ITK: variants seen among roughly 807,000 people sequenced by gnomAD.
ITK encodes IL2 inducible T cell kinase.
ITK carries 45 observed loss-of-function variants against 87.6 expected under a neutral mutation model. The ratio of observed to expected loss-of-function variants is 0.51; its 90% CI spans 0.40 to 0.66. ITK has a LOEUF of 0.66. Among genes scored for constraint, ITK ranks in the 30% least tolerant of loss-of-function variants. The pLI, the probability that ITK is intolerant of heterozygous loss-of-function variation, is 0.00. For synonymous variants in ITK, 303 were observed against 273.6 expected (o/e 1.11, Z -1.06); for missense variants, 605 against 766.3 (o/e 0.79, Z 2.48).
intron 10 of ITK, 41 bp downstream of exon 10, chr5:157,240,236 G>C (rs761893928): frequency 1.2e-5 from 19 of 1,591,534 alleles, no homozygotes; most frequent in Non-Finnish European, 1.5e-5. Context: ...CGCCCAGCAG[G>C]AGGTGAGCAG....
intron 7 of ITK, among the ~76,000 whole-genome samples, chr5:157,229,878 A>C (rs34471719): frequency 0.016 from 2,494 of 152,260 alleles, 29 homozygotes; most frequent in Non-Finnish European, 0.027. Flanking sequence ...TGCACCATTG[A>C]ACTCCAGCCT....
At chr5:157,207,281 C>T (rs902349242) in intron 1 of ITK, among the ~76,000 whole-genome samples, 1 of 151,916 alleles carries the variant, frequency 6.6e-6, no homozygotes. Context: ...AGATCTCCCC[C>T]ACCTCGCCCA....
chr5:157,226,806 T>C (rs1038446275), intron 6 of ITK, among the ~76,000 whole-genome samples: 1 of 128,790 alleles, frequency 7.8e-6, no homozygotes, highest in African/African-American at 2.5e-5. Flanking sequence ...TGTTTTGTTT[T>C]TTTGTTTTTT....
At chr5:157,236,910 G>A (rs1234705109) in intron 8 of ITK, among the ~76,000 whole-genome samples, 1 of 152,030 alleles carries the variant, frequency 6.6e-6, no homozygotes, top group African/African-American at 2.4e-5. Context: ...TTCTCATTCT[G>A]GAAAGGGCCT....
chr5:157,228,394 G>T, intron 7 of ITK, 33 bp downstream of exon 7: 1 of 1,255,872 alleles, frequency 8.0e-7, no homozygotes, highest in African/African-American at 1.5e-5. Context: ...GGAAAATACA[G>T]TCCTAAGGAA....
rs1473344468 is a variant in ITK, at chr5:157,240,206, G to A, written c.985+11G>A. Reference sequence around the variant, plus strand: ...AACATAATGGAGGAGGTAAGCTCTAGAGCAGGGGTGGACCCGGGCCGCCCA... The same window carrying A: ...AACATAATGGAGGAGGTAAGCTCTAAAGCAGGGGTGGACCCGGGCCGCCCA... On this transcript the variant is annotated intron_variant, in intron 10 of 16. Coordinates refer to ENST00000422843, the MANE Select transcript of ITK (RefSeq NM_005546.4). 1 of 1,614,074 alleles carries A rather than the reference G, an allele frequency of 6.2e-7. No homozygotes were observed. The highest frequency in any genetic ancestry group is 8.5e-7 in the Non-Finnish European group (1 of 1,179,954).
chr5:157,246,574 A>C (rs1312710234), intron 15 of ITK, among the ~76,000 whole-genome samples: 1 of 152,206 alleles, frequency 6.6e-6, no homozygotes, highest in Non-Finnish European at 1.5e-5. Flanking sequence ...GATAGAAGAT[A>C]AAGCCAGGCA....
At chr5:157,246,424 G>T (rs1755021431) in intron 15 of ITK, among the ~76,000 whole-genome samples, 1 of 152,124 alleles carries the variant, frequency 6.6e-6, no homozygotes. Context: ...GGCTAATCTA[G>T]GTGCTGAGGA....
intron 1 of ITK, among the ~76,000 whole-genome samples, chr5:157,185,559 A>G (rs1460674298): frequency 6.6e-6 from 1 of 152,034 alleles, no homozygotes; most frequent in East Asian, 1.9e-4. Flanking sequence ...AAAATAATTA[A>G]GCAAGGCCAG....
At chr5:157,204,168 G>T (rs770996810) in intron 1 of ITK, among the ~76,000 whole-genome samples, 13 of 152,084 alleles carry the variant, frequency 8.5e-5, no homozygotes, top group Non-Finnish European at 1.8e-4. Context: ...ACACCATGAG[G>T]CTTGGCTAAT....
At chr5:157,248,570 T>A (rs1418033128) in intron 15 of ITK, among the ~76,000 whole-genome samples, 2 of 152,218 alleles carry the variant, frequency 1.3e-5, no homozygotes, top group East Asian at 1.9e-4. Context: ...TTCATTTACA[T>A]CCTGCATCTT....
At chr5:157,208,760 T>G in intron 1 of ITK, 129 bp from the exon 2 acceptor site, 2 of 713,604 alleles carry the variant, frequency 2.8e-6, no homozygotes. Flanking sequence ...GTTTTGGATA[T>G]TTGGTTTGGA....
At chr5:157,212,056 G>C (rs995038889) in intron 3 of ITK, among the ~76,000 whole-genome samples, 1 of 152,188 alleles carries the variant, frequency 6.6e-6, no homozygotes, top group Non-Finnish European at 1.5e-5. Context: ...ATGGGATGTG[G>C]AGCCAGGCAT....
intron 5 of ITK, chr5:157,222,619 C>G: frequency 1.8e-6 from 1 of 542,128 alleles, no homozygotes; most frequent in South Asian, 2.0e-5. Flanking sequence ...GAGAAACCAG[C>G]AGACTTTTGT....
intron 10 of ITK, chr5:157,241,428 T>C (rs1324431150): frequency 2.1e-6 from 1 of 476,218 alleles, no homozygotes; most frequent in Non-Finnish European, 3.8e-6. Flanking sequence ...ATTAGCAAGC[T>C]ATCTTGTGGA....
intron 5 of ITK, among the ~76,000 whole-genome samples, chr5:157,218,236 G>T (rs1371296291): frequency 6.6e-6 from 1 of 152,114 alleles, no homozygotes; most frequent in Admixed American, 6.5e-5. Context: ...CTGGCATGGT[G>T]GCTCACGTCT....
intron 1 of ITK, among the ~76,000 whole-genome samples, chr5:157,184,719 A>G (rs1156304018): frequency 1.3e-5 from 2 of 152,218 alleles, no homozygotes; most frequent in African/African-American, 4.8e-5. Context: ...GATGTTGAGT[A>G]TTTCATGAGA....
chr5:157,218,745 G>C (rs1175063610), intron 5 of ITK, among the ~76,000 whole-genome samples: 2 of 152,100 alleles, frequency 1.3e-5, no homozygotes, highest in Non-Finnish European at 2.9e-5. Context: ...CAGCAACTTA[G>C]TAGGATGCAA....
chr5:157,187,332 G>A (rs1753664451), intron 1 of ITK, among the ~76,000 whole-genome samples: 2 of 152,230 alleles, frequency 1.3e-5, no homozygotes, highest in East Asian at 3.8e-4. Context: ...GTGTCTACAA[G>A]AGTGTCTGGC....
Sources: allele counts gnomAD v4.1 joint callset (sites outside exome capture counted in the v4.1 genomes callset), GRCh38; gene constraint gnomAD v4.1.1; transcripts MANE v1.5; gene names NCBI Gene and HGNC (gene_info 2026-07-23, HGNC 2026-07-21).